TJP2: variants seen among roughly 807,000 people sequenced by gnomAD.
The protein encoded by TJP2 is tight junction protein 2.
TJP2 carries 91 observed loss-of-function variants against 133.1 expected under a neutral mutation model. That is an observed-to-expected ratio of 0.68 (90% CI 0.58 to 0.81). TJP2 has a LOEUF of 0.81. Among genes scored for constraint, TJP2 ranks in the 40% least tolerant of loss-of-function variants. TJP2 has a pLI of 0.00. For synonymous variants in TJP2, 592 were observed against 583.4 expected (o/e 1.01, Z -0.21); for missense variants, 1,541 against 1,565.6 (o/e 0.98, Z 0.26).
intron 21 of TJP2, 59 bp from the exon 22 acceptor site, chr9:69,252,756 G>T (rs1186322845): frequency 6.6e-7 from 1 of 1,511,262 alleles, no homozygotes; most frequent in African/African-American, 1.4e-5. Context: ...AAACCAGCAA[G>T]CAGAGTGCCC....
intron 1 of TJP2, among the ~76,000 whole-genome samples, chr9:69,194,701 G>A (rs1040671413): frequency 3.9e-5 from 6 of 152,132 alleles, no homozygotes; most frequent in South Asian, 4.2e-4. Flanking sequence ...TATTTTCCCC[G>A]TCACCTCCCT....
intron 2 of TJP2, among the ~76,000 whole-genome samples, chr9:69,215,175 G>A (rs1828263855): frequency 6.6e-6 from 1 of 152,118 alleles, no homozygotes; most frequent in African/African-American, 2.4e-5. Context: ...AAGTACGGAG[G>A]GAGGGAGAGG....
At position 69,226,369 on chromosome 9, in the gene TJP2, C is replaced by T. The variant is rs186922500; in HGVS notation, c.1210+194C>T. Among the ~76,000 whole-genome samples, 11 of 152,306 alleles carry T rather than the reference C, an allele frequency of 7.2e-5. No individual in the cohort carries two copies. In the East Asian group the frequency reaches 1.5e-3, roughly 21 times the overall value. On this transcript the variant is annotated intron_variant, in intron 7 of 22. Transcript: ENST00000377245. ...GCCTATTGAAATTAGGTTTCCAATACAAAATTCTGGTGCATTTGCGAACTC... is the reference window on the plus strand; with the variant it reads ...GCCTATTGAAATTAGGTTTCCAATATAAAATTCTGGTGCATTTGCGAACTC...
intron 1 of TJP2, among the ~76,000 whole-genome samples, chr9:69,212,336 AT>A (rs2133209038): frequency 6.6e-6 from 1 of 152,354 alleles, no homozygotes; most frequent in Admixed American, 6.5e-5. Flanking sequence ...CTCACTATGT[AT>A]TTCACTTACC....
At position 69,185,133 on chromosome 9, in the gene TJP2, C is replaced by T. The variant is rs1825773204; in HGVS notation, c.60+10701C>T. Among the ~76,000 whole-genome samples the T allele has an allele frequency of 4.0e-5, 6 of 150,024 alleles. No homozygotes were observed. The Admixed American group carries it at 4.0e-4, about 10-fold the overall frequency. ...CTGGAATGCAGTGGTGCAATCTCAG[C>T]TTACTGCGACCTCTGCCTCCCGGAT... On this transcript the variant is annotated intron_variant, in intron 1 of 22. Coordinates refer to ENST00000377245, the MANE Select transcript of TJP2 (RefSeq NM_004817.4).
chr9:69,228,927 T>G (rs1829554893), intron 9 of TJP2, among the ~76,000 whole-genome samples: 1 of 152,244 alleles, frequency 6.6e-6, no homozygotes, highest in African/African-American at 2.4e-5. Context: ...TTTTTTAAGT[T>G]GTTAAAAATT....
chr9:69,229,804 C>G (rs962388608), intron 10 of TJP2, among the ~76,000 whole-genome samples: 3 of 152,184 alleles, frequency 2.0e-5, no homozygotes, highest in African/African-American at 7.2e-5. Flanking sequence ...TTAGCCCTAA[C>G]TCTGCCCTTT....
intron 19 of TJP2, chr9:69,248,519 G>T: frequency 7.7e-7 from 1 of 1,292,806 alleles, no homozygotes; most frequent in East Asian, 2.9e-5. Context: ...ATTACCAGCG[G>T]AACCTTCCTT....
intron 1 of TJP2, among the ~76,000 whole-genome samples, chr9:69,176,726 C>T (rs1825121392): frequency 6.6e-6 from 1 of 152,198 alleles, no homozygotes; most frequent in South Asian, 2.1e-4. Context: ...GACAAAAGTT[C>T]ACAGCCAACC....
Position 69,252,863 on chromosome 9 carries a change from A to G in TJP2, c.3370A>G (p.Thr1124Ala). The G allele has an allele frequency of 6.2e-7, 1 of 1,614,104 alleles. No homozygotes were observed. Among genetic ancestry groups the G allele is most frequent in the East Asian group, 2.2e-5 (1 of 44,876 alleles). The change falls in exon 22 of 23, where the codon ACG (threonine) becomes GCG (alanine). Residue 1124 changes from threonine (T) to alanine (A), a missense_variant. By Grantham distance (58) the Thr-to-Ala change is moderately conservative. Transcript: ENST00000377245. The stretch of plus-strand genomic sequence containing the variant: ...TGATATCTATGCAGTTCCAATCAAA[A>G]CGCACAAGCCAGACCCTGGCACGCC... ...HPDIYAVPIK[T>A]HKPDPGTPQH...
intron 1 of TJP2, among the ~76,000 whole-genome samples, chr9:69,185,001 C>A (rs113655062): frequency 6.6e-6 from 1 of 151,606 alleles, no homozygotes; most frequent in African/African-American, 2.4e-5. Flanking sequence ...CCTCCTACCT[C>A]GGCCTCCCGA....
At chr9:69,239,709 G>A (rs948832849) in intron 16 of TJP2, among the ~76,000 whole-genome samples, 1 of 151,864 alleles carries the variant, frequency 6.6e-6, no homozygotes, top group Non-Finnish European at 1.5e-5. Flanking sequence ...AGCTACTCAG[G>A]AGGCTGAGAC....
chr9:69,212,717 A>G (rs1828014399), intron 2 of TJP2, 116 bp downstream of exon 2: 2 of 776,284 alleles, frequency 2.6e-6, no homozygotes, highest in Non-Finnish European at 4.5e-6. Flanking sequence ...TGAGGTACAT[A>G]ATGTATTATA....
chr9:69,211,121 C>T (rs987929558), intron 1 of TJP2, among the ~76,000 whole-genome samples: 6 of 152,164 alleles, frequency 3.9e-5, no homozygotes, highest in Non-Finnish European at 8.8e-5. Context: ...AGGTGGATCA[C>T]AAGGTCAGGA....
At chr9:69,160,094 A>G (rs1823991751) in intron 2 of TJP2, among the ~76,000 whole-genome samples, 1 of 152,104 alleles carries the variant, frequency 6.6e-6, no homozygotes, top group African/African-American at 2.4e-5. Flanking sequence ...CATTGGGAAG[A>G]ATAGCTAGGA....
chr9:69,238,003 A>C, intron 15 of TJP2, 30 bp downstream of exon 15: 1 of 1,558,072 alleles, frequency 6.4e-7, no homozygotes, highest in Non-Finnish European at 8.8e-7. Flanking sequence ...TTTTTCCCCC[A>C]AATTTTTATT....
In TJP2 at chr9:69,124,924, C is replaced by T. The variant is rs182372741; in HGVS notation, c.-131+3199C>T. Among the ~76,000 whole-genome samples, 136 of 76,624 alleles carry T rather than the reference C, an allele frequency of 1.8e-3. 50 individuals are homozygous for T. The highest frequency in any genetic ancestry group is 5.2e-3 in the African/African-American group (130 of 25,028). The allele number at this position is 76,624 out of a possible 152,430, so 50.3% of individuals were successfully genotyped here. On this transcript the variant is annotated intron_variant, in intron 1 of 5. Transcript: ENST00000423935. ...TAGCTTAATAAAAATGGAAACTCTC[C>T]AAATATTCCAGATTTATTAAGTCAA...
Position 69,237,969 on chromosome 9 carries a change from T to C in TJP2, c.2271T>C (p.Thr757=). The change falls in exon 15 of 23, where the codon ACT becomes ACC. Residue 757 remains threonine, a synonymous_variant. Coordinates refer to ENST00000377245, the MANE Select transcript of TJP2 (RefSeq NM_004817.4). ...ATGAGTTACCTGACTGGTTTCAAACTGCTAGTAAGTCTGTCAGTGTTTTTT... is the reference window on the plus strand; with the variant it reads ...ATGAGTTACCTGACTGGTTTCAAACCGCTAGTAAGTCTGTCAGTGTTTTTT... ...LANELPDWFQ[T]AKTEPKDAGS... The C allele has an allele frequency of 6.2e-7, 1 of 1,610,750 alleles. No individual in the cohort carries two copies. Among genetic ancestry groups the C allele is most frequent in the Non-Finnish European group, 8.5e-7 (1 of 1,176,938 alleles).
chr9:69,212,659 G>A, intron 2 of TJP2, 58 bp downstream of exon 2: 1 of 1,437,690 alleles, frequency 7.0e-7, no homozygotes, highest in Middle Eastern at 1.7e-4. Context: ...ACGGATCATG[G>A]ATCTTATTTA....
Sources: gnomAD v4.1 joint callset for allele counts (sites outside exome capture counted in the v4.1 genomes callset) on GRCh38, gnomAD v4.1.1 for gene constraint, MANE v1.5 for transcripts, NCBI Gene and HGNC (gene_info 2026-07-23, HGNC 2026-07-21) for gene names.